The following DDC variants were observed in gnomAD, a reference collection of about 807,000 sequenced individuals.
The protein encoded by DDC is dopa decarboxylase, also known as aromatic-L-amino-acid decarboxylase.
DDC carries 43 observed loss-of-function variants against 60.0 expected under a neutral mutation model. The ratio of observed to expected loss-of-function variants is 0.72; its 90% CI spans 0.56 to 0.92. DDC has a LOEUF of 0.92. Ranked by LOEUF, DDC falls within the 40% of genes least tolerant of loss-of-function variation. DDC has a pLI of 0.00. For missense variants in DDC, 573 were observed against 620.2 expected (o/e 0.92, Z 0.81); for synonymous variants, 232 against 234.6 (o/e 0.99, Z 0.10).
intron 7 of DDC, among the ~76,000 whole-genome samples, chr7:50,500,213 A>T (rs1482269536): frequency 6.6e-6 from 1 of 151,914 alleles, no homozygotes; most frequent in Non-Finnish European, 1.5e-5. Context: ...ATGCATTTGT[A>T]GGGATCCATG....
At position 50,482,477 on chromosome 7, in the gene DDC, T is replaced by C. The variant is rs537280400; in HGVS notation, c.945-2614A>G. ...TTTCTGGCTCTCTCTTCTAATGTGC[T>C]CTACCCATCTGTGCCCGCGCTGGTG... On this transcript the variant is annotated intron_variant, in intron 9 of 14. Coordinates refer to ENST00000444124, the MANE Select transcript of DDC (RefSeq NM_001082971.2). Among the ~76,000 whole-genome samples, 12 of 152,330 alleles carry C rather than the reference T, an allele frequency of 7.9e-5. 1 individual carries two copies. The South Asian group carries it at 2.3e-3, about 29-fold the overall frequency.
In DDC at chr7:50,522,239, C is replaced by A. The variant is rs2043912926; in HGVS notation, c.714+5898G>T. 3.3e-5 allele frequency among the ~76,000 whole-genome samples: 5 copies of A among 149,358 alleles called. No individual in the cohort carries two copies. The South Asian group carries it at 1.1e-3, about 32-fold the overall frequency. On this transcript the variant is annotated intron_variant, in intron 6 of 14. Coordinates refer to ENST00000444124, the MANE Select transcript of DDC (RefSeq NM_001082971.2). The stretch of plus-strand genomic sequence containing the variant: ...AAGAATGAGCTTTATATGAGGAAAA[C>A]TACAATACTCTAATGAAGAAAATTT...
rs536635902 is a variant in DDC at position 50,521,556 on chromosome 7, A to G, written c.714+6581T>C. Among the ~76,000 whole-genome samples the G allele has an allele frequency of 1.1e-4, 17 of 152,348 alleles. No individual in the cohort carries two copies. The East Asian group carries it at 3.1e-3, about 28-fold the overall frequency. ...TGAATCCAACAATGTAAAAAAAATT[A>G]TATATCAGAACCAAGTGAGATCTAT... On this transcript the variant is annotated intron_variant, in intron 6 of 14. Transcript: ENST00000444124.
rs552988735 is a variant in DDC at position 50,465,912 on chromosome 7, C to T, written c.1242+1302G>A. On this transcript the variant is annotated intron_variant, in intron 13 of 14. Transcript: ENST00000444124. ...CCAGAGCGTGTCTTGCCCTCTCGGT[C>T]CTCTGTGCACCTCCCAGGTCTCATC... Among the ~76,000 whole-genome samples the T allele has an allele frequency of 1.3e-4, 20 of 152,316 alleles. No individual in the cohort carries two copies. The South Asian group carries it at 3.7e-3, about 28-fold the overall frequency.
intron 9 of DDC, among the ~76,000 whole-genome samples, chr7:50,491,410 A>G (rs1391593982): frequency 6.6e-6 from 1 of 152,082 alleles, no homozygotes; most frequent in African/African-American, 2.4e-5. Context: ...TTTCCTAACC[A>G]CGTGGGACCT....
At chr7:50,546,666 A>G (rs923132598) in intron 1 of DDC, among the ~76,000 whole-genome samples, 1 of 152,202 alleles carries the variant, frequency 6.6e-6, no homozygotes, top group Admixed American at 6.5e-5. Context: ...TTTTACTTCC[A>G]TGTTCTCTGT....
chr7:50,473,541 T>C (rs2042578769), intron 11 of DDC, among the ~76,000 whole-genome samples: 2 of 152,222 alleles, frequency 1.3e-5, no homozygotes, highest in African/African-American at 4.8e-5. Context: ...ATGTGCCATC[T>C]CCAGCCCTCT....
intron 6 of DDC, among the ~76,000 whole-genome samples, chr7:50,523,707 C>T (rs2043960299): frequency 6.6e-6 from 1 of 152,180 alleles, no homozygotes; most frequent in Non-Finnish European, 1.5e-5. Flanking sequence ...CCTACACTAA[C>T]ATTCATTGTG....
chr7:50,480,613 T>C (rs2042746856), intron 9 of DDC, among the ~76,000 whole-genome samples: 1 of 152,184 alleles, frequency 6.6e-6, no homozygotes, highest in South Asian at 2.1e-4. Flanking sequence ...AGTCTGACGC[T>C]ACCTCTAGGT....
At chr7:50,514,553 C>T (rs1389168750) in intron 6 of DDC, among the ~76,000 whole-genome samples, 1 of 152,102 alleles carries the variant, frequency 6.6e-6, no homozygotes, top group Non-Finnish European at 1.5e-5. Context: ...CAGAGAAAGG[C>T]AGAGCCCAAT....
intron 3 of DDC, 115 bp downstream of exon 3, chr7:50,539,800 C>T (rs907892845): frequency 3.9e-6 from 3 of 763,404 alleles, no homozygotes; most frequent in Non-Finnish European, 6.9e-6. Flanking sequence ...AGTAGCCCGT[C>T]TGCCCACAGA....
chr7:50,468,096 C>G (rs1400863566), intron 12 of DDC, among the ~76,000 whole-genome samples: 1 of 152,270 alleles, frequency 6.6e-6, no homozygotes, highest in African/African-American at 2.4e-5. Context: ...CAGCAGGGCC[C>G]CCATGTTGCA....
At chr7:50,459,678 G>A in intron 14 of DDC, 1 of 167,538 alleles carries the variant, frequency 6.0e-6, no homozygotes, top group Non-Finnish European at 1.3e-5. Flanking sequence ...GAGCGTCTCT[G>A]CCCAGCTGCC....
At chr7:50,532,335 G>T (rs567128307) in intron 4 of DDC, among the ~76,000 whole-genome samples, 54 of 152,208 alleles carry the variant, frequency 3.5e-4, no homozygotes, top group Admixed American at 2.5e-3. Flanking sequence ...GAGATGCCAG[G>T]AATATTCCTA....
chr7:50,505,661 C>T (rs917485326), intron 6 of DDC, among the ~76,000 whole-genome samples: 6 of 152,260 alleles, frequency 3.9e-5, no homozygotes, highest in African/African-American at 1.4e-4. Context: ...CAGCTTTGCC[C>T]TGCTCCTCTC....
chr7:50,534,661 C>T (rs1028835703), intron 4 of DDC, among the ~76,000 whole-genome samples: 3 of 152,006 alleles, frequency 2.0e-5, no homozygotes, highest in South Asian at 2.1e-4. Context: ...GAAAAGTAGA[C>T]CTTGTCCCGT....
intron 9 of DDC, chr7:50,492,619 G>A: frequency 9.8e-7 from 1 of 1,021,178 alleles, no homozygotes; most frequent in South Asian, 2.7e-5. Context: ...TCTTGTGGCA[G>A]ACTTCCAGAC....
chr7:50,471,657 G>T (rs191558283), intron 11 of DDC, among the ~76,000 whole-genome samples: 1 of 152,268 alleles, frequency 6.6e-6, no homozygotes, highest in East Asian at 1.9e-4. Context: ...TGGAGCAAAA[G>T]CAGGTATGGA....
chr7:50,528,695 A>C (rs1205932461), intron 5 of DDC, among the ~76,000 whole-genome samples: 1 of 152,144 alleles, frequency 6.6e-6, no homozygotes, highest in Admixed American at 6.5e-5. Flanking sequence ...CTCAGTAAAC[A>C]GTACCTGGAG....
Sources: gnomAD v4.1 joint callset for allele counts (sites outside exome capture counted in the v4.1 genomes callset) on GRCh38, gnomAD v4.1.1 for gene constraint, MANE v1.5 for transcripts, NCBI Gene and HGNC (gene_info 2026-07-23, HGNC 2026-07-21) for gene names.